The following BRWD1 variants were observed in gnomAD, a reference collection of about 807,000 sequenced individuals.
BRWD1 encodes bromodomain and WD repeat domain containing 1, also known as bromodomain and WD repeat-containing protein 1.
In BRWD1, 82 loss-of-function variants were observed where a neutral mutation model predicts 251.2. That is an observed-to-expected ratio of 0.33 (90% CI 0.27 to 0.39). BRWD1 has a LOEUF of 0.39. BRWD1 is among the 10% of genes least tolerant of loss of function. The pLI, the probability that BRWD1 is intolerant of heterozygous loss-of-function variation, is 1.00. For missense variants in BRWD1, 2,233 were observed against 2,711.6 expected, an observed-to-expected ratio of 0.82 and a Z score of 3.92; for synonymous variants, 918 against 902.8, an observed-to-expected ratio of 1.02 and a Z score of -0.30.
chr21:39,267,678 T>C (rs1469933738), intron 15 of BRWD1, among the ~76,000 whole-genome samples: 1 of 152,190 alleles, frequency 6.6e-6, no homozygotes, highest in East Asian at 1.9e-4. Context: ...CTCAAACATA[T>C]AAAGCCTTAA....
chr21:39,197,516 G>C, intron 40 of BRWD1, 101 bp from the exon 41 acceptor site: 1 of 944,040 alleles, frequency 1.1e-6, no homozygotes, highest in East Asian at 2.5e-5. Context: ...AATTTGAAGG[G>C]GGTATTGCAG....
chr21:39,246,896 C>G (rs761430703), intron 21 of BRWD1, among the ~76,000 whole-genome samples: 41 of 152,154 alleles, frequency 2.7e-4, no homozygotes, highest in Non-Finnish European at 4.3e-4. Context: ...TCCTAGCCAA[C>G]ATGGTGAAAA....
chr21:39,249,564 G>A (rs2034320554), intron 20 of BRWD1, among the ~76,000 whole-genome samples: 1 of 152,100 alleles, frequency 6.6e-6, no homozygotes, highest in East Asian at 1.9e-4. Context: ...CACAAAAGCA[G>A]ATGAGATTAC....
At chr21:39,205,106 A>G (rs953730772) in intron 37 of BRWD1, among the ~76,000 whole-genome samples, 1 of 152,240 alleles carries the variant, frequency 6.6e-6, no homozygotes, top group Non-Finnish European at 1.5e-5. Context: ...CTTTCAAGCT[A>G]TAAAACCCAT....
Position 39,193,936 on chromosome 21 carries a change from A to G in BRWD1, c.*2323T>C. ...AATAGCACCATAACCAAAAAAACCC[A>G]TAAAAATTATTTTCTCCATTATCTC... On this transcript the variant is annotated 3_prime_UTR_variant, in exon 41 of 41. Coordinates refer to ENST00000342449, the MANE Select transcript of BRWD1 (RefSeq NM_033656.4). 1.1e-5 allele frequency: 11 copies of G among 985,540 alleles called. No individual in the cohort carries two copies. Among genetic ancestry groups the G allele is most frequent in the Non-Finnish European group, 1.3e-5 (11 of 829,680 alleles). The allele number at this position is 985,540 out of a possible 1,614,324, so 61.0% of individuals were successfully genotyped here. A position where few individuals can be genotyped will look rare whatever the true frequency, so the allele number is the denominator to read the frequency against.
chr21:39,315,851 T>C (rs2036693033), upstream of BRWD1: 2 of 152,128 alleles, frequency 1.3e-5, no homozygotes, highest in South Asian at 4.1e-4. Context: ...GGCAGAGATA[T>C]ATCAGAAGAT....
At position 39,200,605 on chromosome 21, in the gene BRWD1, A is replaced by C. The variant is rs6517524; in HGVS notation, c.4586-219T>G. 306,913 of 334,670 alleles carry C rather than the reference A, an allele frequency of 0.92. 141,985 individuals are homozygous for C. Among genetic ancestry groups the C allele is most frequent in the African/African-American group, 0.97 (45,613 of 47,102 alleles). 20.7% of individuals were successfully genotyped at this position (334,670 alleles called of 1,614,324 possible). ...TCAGCATTCCAAATAGTTTTTAATT[A>C]TATTTCTAAAAATAACAGATTAATC... On this transcript the variant is annotated intron_variant, in intron 38 of 40. Transcript: ENST00000342449.
chr21:39,199,051 C>G lies in BRWD1; in HGVS notation c.5365G>C (p.Glu1789Gln). ...CTTCCTGGTTCAGAATCTGCTTCCT[C>G]TGAGATGCTCTCTGCCTTAAGTTTC... ...VQKLKAESIS[E>Q]EADSEPGRSG... Residue 1789 changes from glutamate (E) to glutamine (Q), a missense_variant, in exon 40 of 41, where the codon GAG becomes CAG. Transcript: ENST00000342449. The G allele has an allele frequency of 6.2e-7, 1 of 1,614,204 alleles. No individual in the cohort carries two copies. Among genetic ancestry groups the G allele is most frequent in the South Asian group, 1.1e-5 (1 of 91,078 alleles).
chr21:39,305,719 T>C (rs950224758), intron 4 of BRWD1, among the ~76,000 whole-genome samples: 1 of 152,008 alleles, frequency 6.6e-6, no homozygotes, highest in African/African-American at 2.4e-5. Context: ...AAGAATTAGC[T>C]GGGCATGGTG....
intron 22 of BRWD1, among the ~76,000 whole-genome samples, chr21:39,237,190 G>A (rs1179559892): frequency 6.6e-6 from 1 of 152,128 alleles, no homozygotes; most frequent in East Asian, 1.9e-4. Context: ...CTGAGGTATA[G>A]ACCAGGAATT....
In BRWD1 at chr21:39,243,075, A is replaced by G. The variant is rs546378115; in HGVS notation, c.2482-4502T>C. Reference sequence around the variant, plus strand: ...ATCCAACAATCAAGACTGTAATTTTACCATAGAGAAACCTGCAAACACCAC... The same window carrying G: ...ATCCAACAATCAAGACTGTAATTTTGCCATAGAGAAACCTGCAAACACCAC... On this transcript the variant is annotated intron_variant, in intron 21 of 40. Transcript: ENST00000342449. Among the ~76,000 whole-genome samples the G allele has an allele frequency of 5.3e-5, 8 of 152,338 alleles. No individual in the cohort carries two copies. In the East Asian group the frequency reaches 1.5e-3, roughly 29 times the overall value.
At chr21:39,244,770 A>G (rs770693305) in intron 21 of BRWD1, among the ~76,000 whole-genome samples, 15 of 152,078 alleles carry the variant, frequency 9.9e-5, no homozygotes, top group Non-Finnish European at 1.5e-5. Context: ...ACAGAGCTGC[A>G]TGGTAAAATA....
chr21:39,314,508 G>A (rs932472767), upstream of BRWD1: 2 of 362,516 alleles, frequency 5.5e-6, no homozygotes, highest in Non-Finnish European at 1.1e-5. Context: ...GGAGTCATGT[G>A]CAGTTAGAAT....
At chr21:39,227,794 C>T (rs2026266) in intron 27 of BRWD1, among the ~76,000 whole-genome samples, 141,061 of 152,254 alleles carry the variant, frequency 0.93, 65,697 homozygotes, top group African/African-American at 0.97. Context: ...TGAAATTACT[C>T]TTCAACCTTC....
chr21:39,250,821 C>A lies in BRWD1; in HGVS notation c.2324G>T (p.Arg775Ile). Reference protein sequence around the residue: ...ERNLYIIGRKRKTLQLSHKSD... With the variant: ...ERNLYIIGRKIKTLQLSHKSD... ...CTTATGTGAGAGCTGAAGAGTCTTT[C>A]TTTTTCTTCCTATTATATAAAGATT... Residue 775 changes from arginine to isoleucine, a missense_variant, in exon 20 of 41, where the codon AGA (arginine) becomes ATA (isoleucine). Arg to Ile is a moderately conservative substitution (Grantham distance 97, BLOSUM62 -3). Coordinates refer to ENST00000342449, the MANE Select transcript of BRWD1 (RefSeq NM_033656.4). 1 of 1,597,024 alleles carries A rather than the reference C, an allele frequency of 6.3e-7. No homozygotes were observed. The highest frequency in any genetic ancestry group is 8.5e-7 in the Non-Finnish European group (1 of 1,172,840).
intron 19 of BRWD1, 113 bp downstream of exon 19, chr21:39,255,532 C>G: frequency 1.2e-6 from 1 of 845,686 alleles, no homozygotes; most frequent in South Asian, 2.0e-5. Flanking sequence ...CCACTCATTA[C>G]TAATATATTT....
chr21:39,194,518 G>T lies in BRWD1; in HGVS notation c.*1741C>A. 7.0e-7 allele frequency: 1 copy of T among 1,428,728 alleles called. No individual in the cohort carries two copies. The highest frequency in any genetic ancestry group is 9.1e-7 in the Non-Finnish European group (1 of 1,097,068). The allele number at this position is 1,428,728 out of a possible 1,614,324, so 88.5% of individuals were successfully genotyped here. On this transcript the variant is annotated 3_prime_UTR_variant, in exon 41 of 41. Coordinates refer to ENST00000342449, the MANE Select transcript of BRWD1 (RefSeq NM_033656.4). ...AGAAAAGCATCATAGTTCTGAAATGGTGATAGCTCTCTAAGCCACAAATGA... is the reference window on the plus strand; with the variant it reads ...AGAAAAGCATCATAGTTCTGAAATGTTGATAGCTCTCTAAGCCACAAATGA...
At chr21:39,263,538 C>T (rs1438440222) in intron 17 of BRWD1, among the ~76,000 whole-genome samples, 1 of 152,064 alleles carries the variant, frequency 6.6e-6, no homozygotes, top group Non-Finnish European at 1.5e-5. Context: ...GAAGCCCATA[C>T]TAAAACTTAA....
chr21:39,197,635 A>G (rs745662329), intron 40 of BRWD1, among the ~76,000 whole-genome samples: 4 of 152,176 alleles, frequency 2.6e-5, no homozygotes, highest in Non-Finnish European at 4.4e-5. Context: ...AACATCACAG[A>G]GTGTGCTTAC....
Sources: allele counts gnomAD v4.1 joint callset (sites outside exome capture counted in the v4.1 genomes callset), GRCh38; gene constraint gnomAD v4.1.1; transcripts MANE v1.5; gene names NCBI Gene and HGNC (gene_info 2026-07-23, HGNC 2026-07-21).